ZBTB37: variants seen among roughly 807,000 people sequenced by gnomAD.
ZBTB37 encodes the protein zinc finger and BTB domain-containing protein 37.
In ZBTB37, 15 loss-of-function variants were observed where a neutral mutation model predicts 37.7. That is an observed-to-expected ratio of 0.40 (90% CI 0.27 to 0.61). The LOEUF (loss-of-function observed/expected upper bound fraction) is 0.61. Ranked by LOEUF, ZBTB37 falls within the 20% of genes least tolerant of loss-of-function variation. The pLI is 0.44. For missense variants in ZBTB37, 514 were observed against 641.9 expected (o/e 0.80, Z 2.15); for synonymous variants, 231 against 220.6 (o/e 1.05, Z -0.42).
chr1:173,870,648 A>G, exon 3 of ZBTB37: 2 of 1,614,192 alleles, frequency 1.2e-6, no homozygotes, highest in Admixed American at 1.7e-5. Context: ...TAAGTCAAAC[A>G]AGGACAAAGC....
chr1:173,886,280 C>T (rs1428456018), exon 5 of ZBTB37: 1 of 1,210,846 alleles, frequency 8.3e-7, no homozygotes. Flanking sequence ...GCAACTTACA[C>T]AAAAGCACTA....
chr1:173,875,642 T>A (rs990724043), intron 4 of ZBTB37, among the ~76,000 whole-genome samples: 1 of 152,018 alleles, frequency 6.6e-6, no homozygotes, highest in Non-Finnish European at 1.5e-5. Context: ...TATATATTTG[T>A]AAACAAATTG....
exon 4 of ZBTB37, chr1:173,894,171 A>G (rs140654742): frequency 3.3e-5 from 5 of 152,382 alleles, no homozygotes; most frequent in Non-Finnish European, 5.9e-5. Flanking sequence ...CCGTGTGGTT[A>G]GGTCTAATAG....
chr1:173,886,318 T>C (rs1656620846), exon 5 of ZBTB37: 1 of 793,642 alleles, frequency 1.3e-6, no homozygotes, highest in Non-Finnish European at 1.9e-6. Flanking sequence ...ATTGCCCGCC[T>C]CACACTTTGG....
At chr1:173,893,187 A>T (rs1222467201) in exon 4 of ZBTB37, 5 of 152,166 alleles carry the variant, frequency 3.3e-5, no homozygotes, top group Non-Finnish European at 4.4e-5. Flanking sequence ...AGAGGCATGA[A>T]CCACTGCACC....
Position 173,870,702 on chromosome 1 carries a change from C to T in ZBTB37, c.477C>T (p.Leu159=), listed in dbSNP as rs1162150110. The change falls in exon 3 of 5, where the codon CTC becomes CTT. Residue 159 remains leucine (L), a synonymous_variant. Transcript: ENST00000427304. ...AGTCTCACAGGGTTACACCAAATCTCAACCGCTCCCTTAGCCCACGACATA... is the reference window on the plus strand; with the variant it reads ...AGTCTCACAGGGTTACACCAAATCTTAACCGCTCCCTTAGCCCACGACATA... 4 of 1,614,082 alleles carry T rather than the reference C, an allele frequency of 2.5e-6. No homozygotes were observed. The African/African-American group carries it at 4.0e-5, about 16-fold the overall frequency.
chr1:173,901,062 A>G (rs898625471), exon 4 of ZBTB37: 3 of 152,238 alleles, frequency 2.0e-5, no homozygotes. Context: ...AAATTCCCTA[A>G]CAGGAATTCC....
exon 3 of ZBTB37, chr1:173,870,986 T>C (rs977170253): frequency 1.2e-6 from 2 of 1,614,226 alleles, no homozygotes; most frequent in Non-Finnish European, 1.7e-6. Context: ...GAGGAGTGGC[T>C]TGGGCCTGAG....
At chr1:173,869,364 A>G (rs1401136918) in intron 2 of ZBTB37, among the ~76,000 whole-genome samples, 1 of 152,132 alleles carries the variant, frequency 6.6e-6, no homozygotes, top group African/African-American at 2.4e-5. Context: ...TCTTGTATAC[A>G]GCTTCAGGTT....
chr1:173,869,968 T>G (rs1184338748), intron 2 of ZBTB37, among the ~76,000 whole-genome samples: 2 of 152,226 alleles, frequency 1.3e-5, no homozygotes, highest in African/African-American at 4.8e-5. Context: ...TAACATGAAT[T>G]TTTAGGAGTC....
exon 4 of ZBTB37, chr1:173,895,756 C>T (rs1321422475): frequency 6.6e-6 from 1 of 152,146 alleles, no homozygotes; most frequent in African/African-American, 2.4e-5. Flanking sequence ...TTTAAAATAA[C>T]AGATCATTGA....
chr1:173,870,971 A>G, exon 3 of ZBTB37: 1 of 1,614,216 alleles, frequency 6.2e-7, no homozygotes, highest in Non-Finnish European at 8.5e-7. Flanking sequence ...AAAACTGAAA[A>G]TCTGGAGGAG....
exon 5 of ZBTB37, chr1:173,886,172 C>A (rs761441526): frequency 1.3e-6 from 2 of 1,507,506 alleles, no homozygotes; most frequent in Non-Finnish European, 8.9e-7. Context: ...GAGCCATAAG[C>A]AGCCAGCATC....
chr1:173,902,666 T>C (rs995705943), exon 4 of ZBTB37: 1 of 152,158 alleles, frequency 6.6e-6, no homozygotes, highest in East Asian at 1.9e-4. Context: ...ACTTTAATCA[T>C]TATCACTTAA....
intron 4 of ZBTB37, among the ~76,000 whole-genome samples, chr1:173,879,844 G>A (rs1047657457): frequency 4.6e-5 from 7 of 152,098 alleles, no homozygotes; most frequent in Admixed American, 2.0e-4. Flanking sequence ...TCAGCTACTC[G>A]GGAGGCTGCA....
At chr1:173,895,583 A>G (rs950026945) in exon 4 of ZBTB37, 3 of 152,108 alleles carry the variant, frequency 2.0e-5, no homozygotes, top group Non-Finnish European at 2.9e-5. Flanking sequence ...AGTTTTACCT[A>G]CTTATCTTAA....
At chr1:173,879,091 C>CA (rs35322065) in intron 4 of ZBTB37, among the ~76,000 whole-genome samples, 1,729 of 84,746 alleles carry the variant, frequency 0.02, 32 homozygotes, top group South Asian at 0.13. Context: ...AACTCCATCT[C>CA]AAAAAAAAAA....
chr1:173,872,453 G>C (rs1655637558), intron 3 of ZBTB37, among the ~76,000 whole-genome samples: 1 of 152,082 alleles, frequency 6.6e-6, no homozygotes, highest in African/African-American at 2.4e-5. Flanking sequence ...GCTCACTGCA[G>C]CCTCTACCTC....
exon 4 of ZBTB37, chr1:173,903,506 T>C (rs1408297975): frequency 4.1e-6 from 1 of 244,454 alleles, no homozygotes; most frequent in Non-Finnish European, 8.1e-6. Context: ...AAAAGAACAT[T>C]ATGCATGTGA....
Sources: gnomAD v4.1 joint callset for allele counts (sites outside exome capture counted in the v4.1 genomes callset) on GRCh38, gnomAD v4.1.1 for gene constraint, MANE v1.5 for transcripts, NCBI Gene and HGNC (gene_info 2026-07-23, HGNC 2026-07-21) for gene names.